The following MYH4 variants were observed in gnomAD, a reference collection of about 807,000 sequenced individuals.
MYH4 encodes the protein myosin heavy chain 4, also known as myosin-4.
MYH4 carries 200 observed loss-of-function variants against 229.9 expected under a neutral mutation model. The observed-to-expected ratio is 0.87, with a 90% CI of 0.78 to 0.98. The LOEUF is 0.98. Ranked by LOEUF, MYH4 falls within the 50% of genes least tolerant of loss-of-function variation. MYH4 has a pLI of 0.00. For missense variants in MYH4, 2,148 were observed against 2,332.6 expected (o/e 0.92, Z 1.63); for synonymous variants, 761 against 834.6 (o/e 0.91, Z 1.52).
Position 10,452,798 on chromosome 17 carries a change from C to T in MYH4, c.3246G>A (p.Glu1082=), listed in dbSNP as rs1392488623. ...DTENDKQQLN[E]KLKKKEFEMS... ...TATACCATACTTACTTTTTGAGTTT[C>T]TCATTAAGTTGCTGTTTGTCATTTT... The change falls in exon 25 of 40, where the codon GAG becomes GAA. Residue 1082 remains glutamate (E), a synonymous_variant. Coordinates refer to ENST00000255381, the MANE Select transcript of MYH4 (RefSeq NM_017533.2). The T allele has an allele frequency of 8.1e-6, 13 of 1,602,202 alleles. No individual in the cohort carries two copies. Among genetic ancestry groups the T allele is most frequent in the Non-Finnish European group, 1.1e-5 (13 of 1,177,504 alleles).
rs182085093 is a variant in MYH4 at position 10,465,605 on chromosome 17, G to A, written c.349-7C>T. ...AGAAGAGGCCCGAGTAGGTCTGTGGGAAAGGACGGGGTTCCTCGATCAGCA... is the reference window on the plus strand; with the variant it reads ...AGAAGAGGCCCGAGTAGGTCTGTGGAAAAGGACGGGGTTCCTCGATCAGCA... On this transcript the variant is annotated splice_region_variant and splice_polypyrimidine_tract_variant and intron_variant, in intron 4 of 39. Transcript: ENST00000255381. The A allele has an allele frequency of 2.9e-3, 4,698 of 1,614,040 alleles. 14 individuals carry two copies. Among genetic ancestry groups the A allele is most frequent in the Non-Finnish European group, 3.5e-3 (4,167 of 1,179,984 alleles).
intron 7 of MYH4, among the ~76,000 whole-genome samples, chr17:10,464,006 T>A (rs4791989): frequency 0.36 from 55,215 of 152,038 alleles, 11,007 homozygotes; most frequent in East Asian, 0.82. Context: ...CCACAGTCAG[T>A]TAAAAAAATT....
intron 35 of MYH4, 118 bp from the exon 36 acceptor site, chr17:10,445,480 A>C (rs1422026527): frequency 1.4e-5 from 18 of 1,332,492 alleles, no homozygotes; most frequent in Non-Finnish European, 1.8e-5. Context: ...TAGAATAAAA[A>C]CCAAATTAGA....
rs2072567760 is a variant in MYH4 at position 10,451,122 on chromosome 17, T to C, written c.3865+204A>G. ...TAATGCTGAGTCACAAAAAATCTCC[T>C]GAGCCCAGGGAGCTTAATTCTTTTC... On this transcript the variant is annotated intron_variant, in intron 28 of 39. Coordinates refer to ENST00000255381, the MANE Select transcript of MYH4 (RefSeq NM_017533.2). 2.0e-5 allele frequency among the ~76,000 whole-genome samples: 3 copies of C among 152,344 alleles called. No individual in the cohort carries two copies. In the South Asian group the frequency reaches 6.2e-4, roughly 32 times the overall value.
chr17:10,450,261 G>T (rs2072557717), intron 30 of MYH4, among the ~76,000 whole-genome samples, 192 bp downstream of exon 30: 1 of 152,006 alleles, frequency 6.6e-6, no homozygotes, highest in South Asian at 2.1e-4. Context: ...GGAGGGATCT[G>T]GTCTCATTCC....
chr17:10,449,386 G>A (rs2072547922), intron 30 of MYH4, among the ~76,000 whole-genome samples: 1 of 152,156 alleles, frequency 6.6e-6, no homozygotes. Context: ...CCTCTATAGT[G>A]TGGCACATTT....
chr17:10,457,014 C>A (rs1352261333), intron 16 of MYH4, among the ~76,000 whole-genome samples: 3 of 152,234 alleles, frequency 2.0e-5, no homozygotes, highest in African/African-American at 7.2e-5. Flanking sequence ...ACTTGCACAT[C>A]TGGTCTTAGA....
chr17:10,454,862 A>G (rs372382570), intron 21 of MYH4, 52 bp from the exon 22 acceptor site: 1,257 of 1,610,048 alleles, frequency 7.8e-4, no homozygotes, highest in Non-Finnish European at 9.9e-4. Context: ...GAAAGTGATC[A>G]TCACTCAACA....
At chr17:10,459,894 T>C (rs1278160738) in intron 14 of MYH4, 58 bp downstream of exon 14, 1 of 1,611,366 alleles carries the variant, frequency 6.2e-7, no homozygotes, top group Non-Finnish European at 8.5e-7. Flanking sequence ...AAATGTGATT[T>C]TGTATGCTCT....
chr17:10,458,817 A>G (rs779476971), intron 15 of MYH4, among the ~76,000 whole-genome samples: 3 of 152,182 alleles, frequency 2.0e-5, no homozygotes, highest in East Asian at 3.8e-4. Context: ...AATGACTGCA[A>G]CAGTTGAAGG....
At chr17:10,444,505 T>C in intron 39 of MYH4, 99 bp downstream of exon 39, 1 of 821,622 alleles carries the variant, frequency 1.2e-6, no homozygotes, top group South Asian at 1.7e-5. Flanking sequence ...AATTATGTAT[T>C]CCCAATTTAA....
intron 13 of MYH4, 42 bp downstream of exon 13, chr17:10,460,161 A>G: frequency 6.2e-7 from 1 of 1,613,490 alleles, no homozygotes; most frequent in South Asian, 1.1e-5. Flanking sequence ...CTCCTGAGTC[A>G]CTTGCGGTTC....
chr17:10,447,238 C>A, intron 34 of MYH4, 22 bp from the exon 35 acceptor site: 1 of 1,608,222 alleles, frequency 6.2e-7, no homozygotes. Context: ...GAGAAAAAGC[C>A]TCTTACTCAT....
chr17:10,448,747 G>C lies in MYH4; in HGVS notation c.4402C>G (p.Gln1468Glu), dbSNP rs758608739. The C allele has an allele frequency of 3.1e-6, 5 of 1,614,092 alleles. No individual in the cohort carries two copies. The South Asian group carries it at 5.5e-5, about 18-fold the overall frequency. Residue 1468 changes from glutamine (Q) to glutamate (E), a missense_variant, in exon 32 of 40, where the codon CAG (glutamine) becomes GAG (glutamate). Gln to Glu is a conservative substitution (Grantham distance 29, BLOSUM62 2). Transcript: ENST00000255381. ...TTCTGGGAGGCCTCAAGTTCAGCCT[G>C]AGTTTCCTCATACTTCTGTTTCCAT... ...AEWKQKYEET[Q>E]AELEASQKES...
intron 5 of MYH4, 133 bp from the exon 6 acceptor site, chr17:10,464,841 C>T (rs1316398576): frequency 1.2e-6 from 1 of 852,368 alleles, no homozygotes; most frequent in Non-Finnish European, 1.8e-6. Flanking sequence ...TTGTGCTTTG[C>T]TTCTCATAAG....
chr17:10,458,842 C>G (rs2072669869), intron 15 of MYH4, among the ~76,000 whole-genome samples: 1 of 152,168 alleles, frequency 6.6e-6, no homozygotes, highest in Non-Finnish European at 1.5e-5. Context: ...ACCTTCCAAT[C>G]TTTAAGACGT....
In MYH4 at chr17:10,448,735, CA is replaced by C; in HGVS notation, c.4413del (p.Glu1472ArgfsTer17). ...GAACGCGACTCCTTCTGGGAGGCCTCAAGTTCAGCCTGAGTTTCCTCATACT... is the reference window on the plus strand; with the variant it reads ...GAACGCGACTCCTTCTGGGAGGCCTCAGTTCAGCCTGAGTTTCCTCATACT... ...KQKYEETQAE[L>X]EASQKESRSL... On this transcript the variant is annotated frameshift_variant, in exon 32 of 40. Transcript: ENST00000255381. LOFTEE classifies it high-confidence loss of function. The C allele has an allele frequency of 6.2e-7, 1 of 1,614,124 alleles. No homozygotes were observed. The highest frequency in any genetic ancestry group is 1.1e-5 in the South Asian group (1 of 91,084).
Position 10,457,420 on chromosome 17 carries a change from C to G in MYH4, c.1897G>C (p.Glu633Gln), listed in dbSNP as rs755495790. 1.9e-6 allele frequency: 3 copies of G among 1,596,336 alleles called. No homozygotes were observed. The African/African-American group carries it at 4.0e-5, about 21-fold the overall frequency. ...ACATATTAGTGCTATTAAACATGAC[C>G]TGCTTCAGCAGTTTGTGCCCCAGAG... ...LFSGAQTAEA[E>Q]GGGGKKGGKK... Residue 633 changes from glutamate (E) to glutamine (Q), a missense_variant and splice_region_variant, in exon 16 of 40, where the codon GAG (glutamate) becomes CAG (glutamine). Physicochemically the swap from Glu to Gln is conservative, Grantham distance 29. Coordinates refer to ENST00000255381, the MANE Select transcript of MYH4 (RefSeq NM_017533.2).
At position 10,455,629 on chromosome 17, in the gene MYH4, G is replaced by T. The variant is rs532823907; in HGVS notation, c.2159C>A (p.Ala720Glu). The T allele has an allele frequency of 1.6e-5, 26 of 1,614,046 alleles. No individual in the cohort carries two copies. In the African/African-American group the frequency reaches 2.8e-4, roughly 17 times the overall value. The change falls in exon 19 of 40, where the codon GCA becomes GAA. Residue 720 changes from alanine (A) to glutamate (E), a missense_variant. Coordinates refer to ENST00000255381, the MANE Select transcript of MYH4 (RefSeq NM_017533.2). ...RKGFPSRILY[A>E]DFKQRYKVLN... ...AGACACAAACCTCTGTTTGAAGTCT[G>T]CATAAAGGATTCTGCTTGGGAAGCC...
Sources: gnomAD v4.1 joint callset for allele counts (sites outside exome capture counted in the v4.1 genomes callset) on GRCh38, gnomAD v4.1.1 for gene constraint, MANE v1.5 for transcripts, NCBI Gene and HGNC (gene_info 2026-07-23, HGNC 2026-07-21) for gene names.